The following CHODL variants were observed in gnomAD, a reference collection of about 807,000 sequenced individuals.
The protein encoded by CHODL is chondrolectin.
In CHODL, 29 loss-of-function variants were observed where a neutral mutation model predicts 34.5. The ratio of observed to expected loss-of-function variants is 0.84; its 90% confidence interval spans 0.63 to 1.15. CHODL has a LOEUF of 1.15. Among genes scored for constraint, CHODL ranks in the 50% most tolerant of loss-of-function variants. The pLI, the probability that CHODL is intolerant of heterozygous loss-of-function variation, is 0.00. For synonymous variants in CHODL, 125 were observed against 116.1 expected, an observed-to-expected ratio of 1.08 and a Z score of -0.49; for missense variants, 332 against 332.5, an observed-to-expected ratio of 1.00 and a Z score of 0.01.
At chr21:18,016,625 A>G (rs1466136034) in intron 1 of CHODL, among the ~76,000 whole-genome samples, 1 of 152,314 alleles carries the variant, frequency 6.6e-6, no homozygotes, top group African/African-American at 2.4e-5. Flanking sequence ...TAGTCCCCAC[A>G]TAGAGTTTTC....
intron 1 of CHODL, among the ~76,000 whole-genome samples, chr21:17,933,814 G>T (rs2063296668): frequency 6.6e-6 from 1 of 152,062 alleles, no homozygotes; most frequent in Non-Finnish European, 1.5e-5. Flanking sequence ...GCCAAGGTGG[G>T]TGCATCATGA....
intron 2 of CHODL, among the ~76,000 whole-genome samples, chr21:18,206,989 A>C (rs1460906608): frequency 6.6e-6 from 1 of 151,348 alleles, no homozygotes; most frequent in African/African-American, 2.4e-5. Context: ...GCACCCATCA[A>C]CTCGTCATTT....
intron 1 of CHODL, among the ~76,000 whole-genome samples, chr21:17,972,192 AT>A (rs1346146303): frequency 1.3e-5 from 2 of 152,250 alleles, no homozygotes; most frequent in Admixed American, 1.3e-4. Flanking sequence ...ATCATAATGA[AT>A]GGGCAAAAGC....
intron 2 of CHODL, among the ~76,000 whole-genome samples, chr21:18,201,815 T>A (rs975005933): frequency 2.0e-5 from 3 of 147,804 alleles, no homozygotes; most frequent in African/African-American, 7.5e-5. Flanking sequence ...TTTTTTTTTT[T>A]TTTTTTTGAG....
chr21:18,099,241 G>A (rs915294400), intron 2 of CHODL, among the ~76,000 whole-genome samples: 13 of 152,106 alleles, frequency 8.5e-5, no homozygotes, highest in Admixed American at 4.6e-4. Flanking sequence ...AGTATAATTG[G>A]ATTGTTTGTA....
chr21:17,923,167 G>C (rs527894235), intron 1 of CHODL, among the ~76,000 whole-genome samples: 3 of 152,144 alleles, frequency 2.0e-5, no homozygotes, highest in African/African-American at 7.2e-5. Context: ...GCCCTAAGTA[G>C]TCCCAGCTTG....
chr21:18,252,039 G>C (rs1183634198), intron 1 of CHODL, among the ~76,000 whole-genome samples: 2 of 151,640 alleles, frequency 1.3e-5, no homozygotes, highest in African/African-American at 4.8e-5. Context: ...AATTATCTTG[G>C]ATTTTATTTT....
intron 1 of CHODL, among the ~76,000 whole-genome samples, chr21:18,010,245 C>G (rs1463165575): frequency 1.7e-5 from 2 of 117,784 alleles, no homozygotes; most frequent in Non-Finnish European, 3.3e-5. Context: ...TGCAGTGAGC[C>G]GAGATCGCGC....
intron 1 of CHODL, among the ~76,000 whole-genome samples, chr21:18,254,112 A>G (rs1046575025): frequency 1.3e-5 from 2 of 150,942 alleles, no homozygotes; most frequent in African/African-American, 2.5e-5. Context: ...ATGTACTGTA[A>G]TTAAAGTACA....
intron 1 of CHODL, among the ~76,000 whole-genome samples, chr21:18,249,016 T>TA (rs201938289): frequency 0.049 from 4,688 of 94,794 alleles, 193 homozygotes; most frequent in African/African-American, 0.13. Flanking sequence ...ATAATATATA[T>TA]TATACATAAT....
chr21:18,001,773 CTT>C (rs59908803), intron 1 of CHODL, among the ~76,000 whole-genome samples: 5,248 of 124,050 alleles, frequency 0.042, 130 homozygotes, highest in African/African-American at 0.069. Flanking sequence ...GCCTCATCCT[CTT>C]TTTTTTTTTT....
chr21:18,145,952 G>T (rs187863257), intron 2 of CHODL, among the ~76,000 whole-genome samples: 8 of 150,660 alleles, frequency 5.3e-5, no homozygotes, highest in Admixed American at 5.2e-4. Context: ...TTTATTTTTT[G>T]GTTTTGTTTT....
chr21:18,093,705 A>G (rs1158659405), intron 2 of CHODL, among the ~76,000 whole-genome samples: 4 of 152,162 alleles, frequency 2.6e-5, no homozygotes, highest in East Asian at 1.9e-4. Context: ...GAAGTCTTGT[A>G]GTAACATCAA....
At chr21:18,110,322 TG>T (rs2065332452) in intron 2 of CHODL, among the ~76,000 whole-genome samples, 1 of 152,172 alleles carries the variant, frequency 6.6e-6, no homozygotes, top group Admixed American at 6.5e-5. Flanking sequence ...CACTTTTCAT[TG>T]AGAGGTGATT....
At chr21:17,988,241 C>T (rs1218731352) in intron 1 of CHODL, among the ~76,000 whole-genome samples, 3 of 152,064 alleles carry the variant, frequency 2.0e-5, no homozygotes, top group Non-Finnish European at 4.4e-5. Flanking sequence ...AGTCATAGAT[C>T]TTGCTTGCCT....
At chr21:18,091,752 C>T (rs941472763) in intron 2 of CHODL, among the ~76,000 whole-genome samples, 3 of 152,094 alleles carry the variant, frequency 2.0e-5, no homozygotes, top group South Asian at 2.1e-4. Context: ...AGGCAGCATT[C>T]ACCACAAGCT....
At position 18,244,842 on chromosome 21, in the gene CHODL, G is replaced by C. The variant is rs2074117025; in HGVS notation, c.-382G>C. On this transcript the variant is annotated 5_prime_UTR_variant, in exon 1 of 6. Coordinates refer to ENST00000299295, the MANE Select transcript of CHODL (RefSeq NM_024944.3). ...TGAGCGCAGAGCGGCTGCTGCTGCT[G>C]TGATCCAGGACCAGGGCGCACCGGC... The C allele has an allele frequency of 4.9e-6, 1 of 202,734 alleles. No individual in the cohort carries two copies. Among genetic ancestry groups the C allele is most frequent in the South Asian group, 1.4e-4 (1 of 6,944 alleles). The allele number at this position is 202,734 out of a possible 1,614,324, so 12.6% of individuals were successfully genotyped here.
intron 1 of CHODL, among the ~76,000 whole-genome samples, chr21:17,918,051 A>G (rs184437396): frequency 3.9e-5 from 6 of 152,274 alleles, no homozygotes; most frequent in Non-Finnish European, 7.4e-5. Flanking sequence ...GGAGTCATAA[A>G]TGGCTCCTGA....
At chr21:18,084,119 T>C (rs1347345960) in intron 2 of CHODL, among the ~76,000 whole-genome samples, 1 of 152,200 alleles carries the variant, frequency 6.6e-6, no homozygotes, top group Non-Finnish European at 1.5e-5. Flanking sequence ...TGATAATGAG[T>C]GAGTTGTCAT....
Sources: allele counts gnomAD v4.1 joint callset (sites outside exome capture counted in the v4.1 genomes callset), GRCh38; gene constraint gnomAD v4.1.1; transcripts MANE v1.5; gene names NCBI Gene and HGNC (gene_info 2026-07-23, HGNC 2026-07-21).